Variants in GHR observed in about 807,000 individuals in gnomAD.
GHR encodes GH receptor.
Under a neutral mutation model 67.1 loss-of-function variants are expected in GHR, and 35 were observed. That is an observed-to-expected ratio of 0.52 (90% CI 0.40 to 0.69). GHR has a LOEUF of 0.69. Ranked by LOEUF, GHR falls within the 30% of genes least tolerant of loss-of-function variation. GHR has a pLI of 0.00. For missense variants in GHR, 792 were observed against 764.6 expected (o/e 1.04, Z -0.42); for synonymous variants, 272 against 269.1 (o/e 1.01, Z -0.10).
At chr5:42,592,748 G>A (rs1355435402) in intron 2 of GHR, among the ~76,000 whole-genome samples, 1 of 150,348 alleles carries the variant, frequency 6.7e-6, no homozygotes, top group South Asian at 2.1e-4. Flanking sequence ...CTTTATGGTA[G>A]AGCAGTTTAT....
intron 1 of GHR, among the ~76,000 whole-genome samples, chr5:42,459,080 T>C (rs777388039): frequency 6.6e-6 from 1 of 152,298 alleles, no homozygotes; most frequent in South Asian, 2.1e-4. Context: ...GTTCAGCAAT[T>C]GTGGTAAGCA....
intron 1 of GHR, among the ~76,000 whole-genome samples, chr5:42,431,414 C>A (rs1229840563): frequency 6.6e-6 from 1 of 152,170 alleles, no homozygotes; most frequent in Non-Finnish European, 1.5e-5. Context: ...TTCTTCAGTG[C>A]TTCTTCCTAC....
At chr5:42,625,380 C>T (rs1314270186) in intron 2 of GHR, among the ~76,000 whole-genome samples, 1 of 151,982 alleles carries the variant, frequency 6.6e-6, no homozygotes, top group Non-Finnish European at 1.5e-5. Flanking sequence ...ACTCTCATAA[C>T]ACAGAATATT....
intron 2 of GHR, among the ~76,000 whole-genome samples, chr5:42,572,041 C>G (rs1371294328): frequency 3.9e-5 from 6 of 152,202 alleles, no homozygotes; most frequent in Non-Finnish European, 5.9e-5. Flanking sequence ...ATTCCTCAGT[C>G]ACCCCAGCAG....
At chr5:42,563,772 C>A (rs1749765720) in intron 1 of GHR, among the ~76,000 whole-genome samples, 1 of 151,830 alleles carries the variant, frequency 6.6e-6, no homozygotes, top group Non-Finnish European at 1.5e-5. Flanking sequence ...CGTGCCACTG[C>A]ACTCCAGGCT....
chr5:42,628,624 C>T (rs1294351336), intron 2 of GHR, among the ~76,000 whole-genome samples: 1 of 131,422 alleles, frequency 7.6e-6, no homozygotes. Flanking sequence ...ACAGAAGCTT[C>T]GAGTTAGCAA....
Position 42,718,995 on chromosome 5 carries a change from A to G in GHR, c.1488A>G (p.Ala496=). ...FYAQVSDITP[A]GSVVLSPGQK... ...CCCAGGTGAGCGACATTACACCAGC[A>G]GGTAGTGTGGTCCTTTCCCCGGGCC... Residue 496 remains alanine (A), a synonymous_variant, in exon 10 of 10, where the codon GCA becomes GCG. Coordinates refer to ENST00000230882, the MANE Select transcript of GHR (RefSeq NM_000163.5). 6.2e-7 allele frequency: 1 copy of G among 1,609,816 alleles called. No individual in the cohort carries two copies. Among genetic ancestry groups the G allele is most frequent in the Non-Finnish European group, 8.5e-7 (1 of 1,177,154 alleles).
At chr5:42,536,322 C>T (rs115354674) in intron 1 of GHR, among the ~76,000 whole-genome samples, 73 of 152,146 alleles carry the variant, frequency 4.8e-4, no homozygotes, top group Non-Finnish European at 7.5e-4. Context: ...GCTTTTATTA[C>T]ATTGAGGTAT....
At chr5:42,663,203 C>T (rs967371047) in intron 3 of GHR, among the ~76,000 whole-genome samples, 5 of 152,150 alleles carry the variant, frequency 3.3e-5, no homozygotes, top group Non-Finnish European at 7.4e-5. Flanking sequence ...GAAACCATTC[C>T]AATCAATAGA....
rs1304741210 is a variant in GHR, at chr5:42,628,927, G to T, written c.71-111G>T. On this transcript the variant is annotated intron_variant, in intron 2 of 9. Transcript: ENST00000230882. ...TCTGGAGTCCCCTTGGCCAAGAAGGGGTCCATTCGGTTGGTTTGGGAAGCT... is the reference window on the plus strand; with the variant it reads ...TCTGGAGTCCCCTTGGCCAAGAAGGTGTCCATTCGGTTGGTTTGGGAAGCT... The T allele has an allele frequency of 5.8e-6, 4 of 691,310 alleles. 1 individual carries two copies. In the Admixed American group the frequency reaches 8.3e-5, roughly 14 times the overall value. 42.8% of individuals were successfully genotyped at this position (691,310 alleles called of 1,614,324 possible). A position where few individuals can be genotyped will look rare whatever the true frequency, so the allele number is the denominator to read the frequency against.
At chr5:42,669,632 A>C (rs1340272509) in intron 3 of GHR, among the ~76,000 whole-genome samples, 1 of 152,212 alleles carries the variant, frequency 6.6e-6, no homozygotes, top group Non-Finnish European at 1.5e-5. Context: ...CCTAAGCTCC[A>C]AGGGGAAAAA....
intron 1 of GHR, among the ~76,000 whole-genome samples, chr5:42,555,829 G>A (rs7703713): frequency 0.35 from 52,515 of 151,966 alleles, 10,458 homozygotes; most frequent in African/African-American, 0.55. Context: ...GCCTGGTAAC[G>A]TCGGGACATG....
intron 1 of GHR, among the ~76,000 whole-genome samples, chr5:42,504,424 C>T (rs1579830899): frequency 6.6e-6 from 1 of 152,222 alleles, no homozygotes; most frequent in African/African-American, 2.4e-5. Flanking sequence ...TCATAATGAT[C>T]TTCTACCTCA....
intron 3 of GHR, among the ~76,000 whole-genome samples, chr5:42,632,096 T>C (rs1753955208): frequency 6.6e-6 from 1 of 152,138 alleles, no homozygotes; most frequent in South Asian, 2.1e-4. Flanking sequence ...TAAGTAAATA[T>C]CTTTAGTGCT....
chr5:42,657,934 A>G (rs1382197735), intron 3 of GHR, among the ~76,000 whole-genome samples: 2 of 152,146 alleles, frequency 1.3e-5, no homozygotes, highest in Non-Finnish European at 2.9e-5. Flanking sequence ...AGCTTATTTC[A>G]TAGGTATAAG....
At chr5:42,608,028 G>A (rs1752708779) in intron 2 of GHR, among the ~76,000 whole-genome samples, 1 of 152,184 alleles carries the variant, frequency 6.6e-6, no homozygotes, top group Non-Finnish European at 1.5e-5. Flanking sequence ...ACAGTCAAAA[G>A]AGCTAGGAAT....
chr5:42,594,011 C>T (rs1483901827), intron 2 of GHR, among the ~76,000 whole-genome samples: 2 of 152,194 alleles, frequency 1.3e-5, no homozygotes, highest in Non-Finnish European at 2.9e-5. Flanking sequence ...CATTGCAGTG[C>T]TCAAATGACT....
intron 1 of GHR, among the ~76,000 whole-genome samples, chr5:42,480,553 T>C (rs1745579470): frequency 6.6e-6 from 1 of 152,202 alleles, no homozygotes; most frequent in African/African-American, 2.4e-5. Context: ...AGGACTTGCT[T>C]TATGAATCTG....
In GHR at chr5:42,622,845, T is replaced by A. The variant is rs375236329; in HGVS notation, c.71-6193T>A. ...GGATGAATCATTGCCATAAGTAGATTTCCATCCCCTACTCCACCAACTCAT... is the reference window on the plus strand; with the variant it reads ...GGATGAATCATTGCCATAAGTAGATATCCATCCCCTACTCCACCAACTCAT... On this transcript the variant is annotated intron_variant, in intron 2 of 9. Transcript: ENST00000230882. Among the ~76,000 whole-genome samples, 5 of 152,232 alleles carry A rather than the reference T, an allele frequency of 3.3e-5. No individual in the cohort carries two copies. The East Asian group carries it at 7.7e-4, about 24-fold the overall frequency.
Sources: gnomAD v4.1 joint callset for allele counts (sites outside exome capture counted in the v4.1 genomes callset) on GRCh38, gnomAD v4.1.1 for gene constraint, MANE v1.5 for transcripts, NCBI Gene and HGNC (gene_info 2026-07-23, HGNC 2026-07-21) for gene names.